STAT4: variants seen among roughly 807,000 people sequenced by gnomAD.
STAT4 encodes the protein signal transducer and activator of transcription 4.
STAT4 carries 42 observed loss-of-function variants against 110.5 expected under a neutral mutation model. The observed-to-expected ratio is 0.38, with a 90% CI of 0.30 to 0.49. The LOEUF (loss-of-function observed/expected upper bound fraction) is 0.49. STAT4 is among the 20% of genes least tolerant of loss of function. The pLI is 0.95. For missense variants in STAT4, 632 were observed against 887.9 expected (o/e 0.71, Z 3.66); for synonymous variants, 284 against 302.2 (o/e 0.94, Z 0.63).
intron 3 of STAT4, among the ~76,000 whole-genome samples, chr2:191,125,779 G>A (rs948900859): frequency 6.6e-6 from 1 of 151,880 alleles, no homozygotes; most frequent in East Asian, 1.9e-4. Flanking sequence ...TCACCATGCC[G>A]GGCCTGGATC....
chr2:191,093,812 G>A (rs925436881), intron 3 of STAT4, among the ~76,000 whole-genome samples: 1 of 152,118 alleles, frequency 6.6e-6, no homozygotes, highest in Admixed American at 6.5e-5. Context: ...GAGGATGTTC[G>A]AACCCATCGT....
rs920237176 is a variant in STAT4 at position 191,037,106 on chromosome 2, A to G, written c.1435-807T>C. On this transcript the variant is annotated intron_variant, in intron 16 of 23. Transcript: ENST00000392320. The surrounding 1 kb of genome is among the most constrained non-coding windows in gnomAD (Gnocchi z 4.8). ...GTAATTTGACAGATACTCTTTTCTA[A>G]AACAATATTCATCCTAAACAAAACT... is the stretch of plus-strand genomic sequence containing the variant. Among the ~76,000 whole-genome samples, 1 of 152,190 alleles carries G rather than the reference A, an allele frequency of 6.6e-6. No individual in the cohort carries two copies. Among genetic ancestry groups the G allele is most frequent in the Non-Finnish European group, 1.5e-5 (1 of 68,028 alleles).
chr2:191,033,714 T>C lies in STAT4; in HGVS notation c.1716-88A>G. On this transcript the variant is annotated intron_variant, in intron 19 of 23. Transcript: ENST00000392320. This position sits in a 1 kb window ranked among gnomAD's most constrained non-coding sequence, Gnocchi z 6.9. ...AAAGACCTACAGTTTGTTTTGAGTGTAATCAAAAGTCATTCTTACCTGAAA... is the reference window on the plus strand; with the variant it reads ...AAAGACCTACAGTTTGTTTTGAGTGCAATCAAAAGTCATTCTTACCTGAAA... 1.3e-6 allele frequency: 2 copies of C among 1,522,760 alleles called. No homozygotes were observed. Among genetic ancestry groups the C allele is most frequent in the Non-Finnish European group, 8.9e-7 (1 of 1,128,428 alleles). The allele number at this position is 1,522,760 out of a possible 1,614,324, so 94.3% of individuals were successfully genotyped here. A position where few individuals can be genotyped will look rare whatever the true frequency, so the allele number is the denominator to read the frequency against.
At chr2:191,057,115 C>A (rs935040384) in intron 13 of STAT4, among the ~76,000 whole-genome samples, 3 of 152,144 alleles carry the variant, frequency 2.0e-5, no homozygotes, top group African/African-American at 7.2e-5. Flanking sequence ...GAATTTATTC[C>A]TTTTATCTAA....
At position 191,030,011 on chromosome 2, in the gene STAT4, TGCAAAAG is replaced by T; in HGVS notation, c.2221-152_2221-146del. ...AGTTAAAATACTTAAACTAAGTATTTGCAAAAGTAATTGGGGTTGATCAGTCTAAAAT... is the reference window on the plus strand; with the variant it reads ...AGTTAAAATACTTAAACTAAGTATTTTAATTGGGGTTGATCAGTCTAAAAT... On this transcript the variant is annotated intron_variant, in intron 23 of 23. Transcript: ENST00000392320. The surrounding 1 kb of genome is among the most constrained non-coding windows in gnomAD (Gnocchi z 4.4). 2.9e-6 allele frequency: 2 copies of T among 679,610 alleles called. No homozygotes were observed. Among genetic ancestry groups the T allele is most frequent in the Non-Finnish European group, 5.0e-6 (2 of 399,238 alleles). 42.1% of individuals were successfully genotyped at this position (679,610 alleles called of 1,614,324 possible). A position where few individuals can be genotyped will look rare whatever the true frequency, so the allele number is the denominator to read the frequency against.
chr2:191,120,087 A>G (rs2125386945), intron 3 of STAT4, among the ~76,000 whole-genome samples: 1 of 152,344 alleles, frequency 6.6e-6, no homozygotes, highest in African/African-American at 2.4e-5. Flanking sequence ...CTAAAACACT[A>G]AAGGTCCCAG....
rs1699561158 is a variant in STAT4, at chr2:191,150,305, A to C, written c.-2+642T>G. 6.6e-6 allele frequency among the ~76,000 whole-genome samples: 1 copy of C among 152,198 alleles called. No individual in the cohort carries two copies. Among genetic ancestry groups the C allele is most frequent in the African/African-American group, 2.4e-5 (1 of 41,446 alleles). On this transcript the variant is annotated intron_variant, in intron 1 of 23. Coordinates refer to ENST00000392320, the MANE Select transcript of STAT4 (RefSeq NM_003151.4). The surrounding 1 kb of genome is among the most constrained non-coding windows in gnomAD (Gnocchi z 6.4). Reference sequence around the variant, plus strand: ...GGAACGCCTTTAGACATCCTTCAGCAGGTTTCTTTGCTTTCACTCTCTAGG... The same window carrying C: ...GGAACGCCTTTAGACATCCTTCAGCCGGTTTCTTTGCTTTCACTCTCTAGG...
At chr2:191,067,838 T>C (rs1373498630) in intron 6 of STAT4, among the ~76,000 whole-genome samples, 2 of 152,180 alleles carry the variant, frequency 1.3e-5, no homozygotes, top group Admixed American at 6.5e-5. Flanking sequence ...CAACCATTCA[T>C]GTTCATGAAA....
chr2:191,063,192 A>G (rs767726734), intron 8 of STAT4, among the ~76,000 whole-genome samples: 16 of 152,090 alleles, frequency 1.1e-4, no homozygotes, highest in Non-Finnish European at 2.1e-4. Context: ...TTTTATCAAC[A>G]TTTGGAACTA....
chr2:191,039,130 C>T lies in STAT4; in HGVS notation c.1434+69G>A, dbSNP rs1696120507. ...CCACTGGCACACACATGTTTTGATG[C>T]AGATGTGTTTGTTGGCAATAAAACA... On this transcript the variant is annotated intron_variant, in intron 16 of 23. Transcript: ENST00000392320. The surrounding 1 kb of genome is among the most constrained non-coding windows in gnomAD (Gnocchi z 4.7). The T allele has an allele frequency of 1.5e-6, 2 of 1,374,946 alleles. No homozygotes were observed. The highest frequency in any genetic ancestry group is 2.1e-6 in the Non-Finnish European group (2 of 962,884). 85.2% of individuals were successfully genotyped at this position (1,374,946 alleles called of 1,614,324 possible). A position where few individuals can be genotyped will look rare whatever the true frequency, so the allele number is the denominator to read the frequency against.
rs1429531955 is a variant in STAT4, at chr2:191,148,150, C to T, written c.54G>A (p.Val18=). 9 of 1,613,706 alleles carry T rather than the reference C, an allele frequency of 5.6e-6. No homozygotes were observed. The East Asian group carries it at 2.0e-4, about 36-fold the overall frequency. ...QQLEIKFLEQ[V]DQFYDDNFPM... The stretch of plus-strand genomic sequence containing the variant: ...GAAAGTTGTCATCATAGAATTGATC[C>T]ACCTGCTCCAAAAACTTGATTTCTA... The change falls in exon 2 of 24, where the codon GTG becomes GTA. Residue 18 remains valine, a synonymous_variant. Coordinates refer to ENST00000392320, the MANE Select transcript of STAT4 (RefSeq NM_003151.4).
In STAT4 at chr2:191,090,918, A is replaced by G. The variant is rs1697781255; in HGVS notation, c.274-14593T>C. 6.6e-6 allele frequency among the ~76,000 whole-genome samples: 1 copy of G among 152,148 alleles called. No homozygotes were observed. Among genetic ancestry groups the G allele is most frequent in the African/African-American group, 2.4e-5 (1 of 41,422 alleles). ...AAACTACTTCTTAAAGGTATCAAGT[A>G]TGTCTTCTACAAGGTCTGAGTACAT... On this transcript the variant is annotated intron_variant, in intron 3 of 23. Transcript: ENST00000392320. This position sits in a 1 kb window ranked among gnomAD's most constrained non-coding sequence, Gnocchi z 4.2.
At position 191,107,743 on chromosome 2, in the gene STAT4, A is replaced by C. The variant is rs1202503772; in HGVS notation, c.274-31418T>G. On this transcript the variant is annotated intron_variant, in intron 3 of 23. Coordinates refer to ENST00000392320, the MANE Select transcript of STAT4 (RefSeq NM_003151.4). The surrounding 1 kb of genome is among the most constrained non-coding windows in gnomAD (Gnocchi z 4.2). ...ATTCAGGACATAATTTATTTTTTCA[A>C]CCCAGATTACTACCATACCTTCCTG... Among the ~76,000 whole-genome samples, 1 of 152,220 alleles carries C rather than the reference A, an allele frequency of 6.6e-6. No individual in the cohort carries two copies. The highest frequency in any genetic ancestry group is 2.1e-4 in the South Asian group (1 of 4,834).
chr2:191,048,338 C>T (rs1413966081), intron 14 of STAT4, among the ~76,000 whole-genome samples: 2 of 152,144 alleles, frequency 1.3e-5, no homozygotes, highest in African/African-American at 2.4e-5. Context: ...GACGCTCTGA[C>T]CAAATAAAGC....
intron 16 of STAT4, among the ~76,000 whole-genome samples, 195 bp from the exon 17 acceptor site, chr2:191,036,494 G>C (rs779256632): frequency 2.0e-5 from 3 of 152,094 alleles, no homozygotes; most frequent in Non-Finnish European, 2.9e-5. Context: ...GGGAACAAGC[G>C]TGTCCTAATA....
chr2:191,053,135 A>C lies in STAT4; in HGVS notation c.1251+1355T>G, dbSNP rs16833222. On this transcript the variant is annotated intron_variant, in intron 14 of 23. Coordinates refer to ENST00000392320, the MANE Select transcript of STAT4 (RefSeq NM_003151.4). The surrounding 1 kb of genome is among the most constrained non-coding windows in gnomAD (Gnocchi z 4.5). ...GGTGTGATAAATTGGATGTCATTGG[A>C]TGCTGGATTTATAAAGTGCTTTTCC... Among the ~76,000 whole-genome samples, 149 of 152,286 alleles carry C rather than the reference A, an allele frequency of 9.8e-4. No homozygotes were observed. The highest frequency in any genetic ancestry group is 1.9e-3 in the Non-Finnish European group (130 of 68,024).
intron 3 of STAT4, among the ~76,000 whole-genome samples, chr2:191,115,741 T>C (rs1402096138): frequency 6.6e-6 from 1 of 152,224 alleles, no homozygotes; most frequent in East Asian, 1.9e-4. Flanking sequence ...ATTCAGCTGG[T>C]ACCTGACCTC....
rs1380494847 is a variant in STAT4 at position 191,104,630 on chromosome 2, A to C, written c.274-28305T>G. Among the ~76,000 whole-genome samples the C allele has an allele frequency of 1.3e-5, 2 of 152,226 alleles. No homozygotes were observed. The highest frequency in any genetic ancestry group is 4.8e-5 in the African/African-American group (2 of 41,462). On this transcript the variant is annotated intron_variant, in intron 3 of 23. Transcript: ENST00000392320. The surrounding 1 kb of genome is among the most constrained non-coding windows in gnomAD (Gnocchi z 4.3). ...ATATATTAAACAAAGGTCCATAACC[A>C]CCATACACATCATCATCATTTTATA...
chr2:191,149,217 A>G (rs1428209731), intron 1 of STAT4, among the ~76,000 whole-genome samples: 1 of 152,214 alleles, frequency 6.6e-6, no homozygotes, highest in Non-Finnish European at 1.5e-5. Flanking sequence ...CATATCTCAT[A>G]GATAGGCTAA....
Sources: gnomAD v4.1 joint callset for allele counts (sites outside exome capture counted in the v4.1 genomes callset) on GRCh38, gnomAD v4.1.1 for gene constraint, Gnocchi (gnomAD v3.1) non-coding constraint, MANE v1.5 for transcripts, NCBI Gene and HGNC (gene_info 2026-07-23, HGNC 2026-07-21) for gene names.